Variants in RAB38 observed in about 807,000 individuals in gnomAD.
RAB38 encodes the protein ras-related protein Rab-38.
Under a neutral mutation model 18.4 loss-of-function variants are expected in RAB38, and 15 were observed. The ratio of observed to expected loss-of-function variants is 0.82; its 90% confidence interval spans 0.55 to 1.26. The LOEUF (loss-of-function observed/expected upper bound fraction) is 1.26, where lower values mean the gene tolerates loss of function less well. Ranked by LOEUF, RAB38 falls within the 50% of genes most tolerant of loss-of-function variation. The pLI is 0.00. For missense variants in RAB38, 294 were observed against 267.4 expected (o/e 1.10, Z -0.69); for synonymous variants, 101 against 104.4 (o/e 0.97, Z 0.20).
the RAB38 span, among the ~76,000 whole-genome samples, chr11:87,934,134 C>T: frequency 6.6e-6 from 1 of 152,046 alleles, no homozygotes; most frequent in Non-Finnish European, 1.5e-5. Flanking sequence ...GTATAATCAG[C>T]CTTTTTATAG....
At chr11:88,067,249 T>C in the RAB38 span, among the ~76,000 whole-genome samples, 1 of 152,116 alleles carries the variant, frequency 6.6e-6, no homozygotes, top group Non-Finnish European at 1.5e-5. Context: ...TTAAAGCTCA[T>C]TGAATGCCTT....
the RAB38 span, among the ~76,000 whole-genome samples, chr11:88,036,636 T>C: frequency 6.6e-6 from 1 of 152,250 alleles, no homozygotes; most frequent in East Asian, 1.9e-4. Context: ...ATTAAGTTTT[T>C]CTATATAAAT....
Position 88,138,940 on chromosome 11 carries a change from G to A in RAB38, c.483+10735C>T, listed in dbSNP as rs143171573. Among the ~76,000 whole-genome samples the A allele has an allele frequency of 6.1e-3, 933 of 151,860 alleles. 10 individuals carry two copies. The highest frequency in any genetic ancestry group is 0.021 in the African/African-American group (879 of 41,410). ...TGGGACTACAGGCGCCCGCCACCAC[G>A]CCTGGCTAATTTTTTTTGTATTTTT... On this transcript the variant is annotated intron_variant, in intron 2 of 2. Transcript: ENST00000243662.
chr11:87,913,423 A>G, the RAB38 span, among the ~76,000 whole-genome samples: 1 of 152,106 alleles, frequency 6.6e-6, no homozygotes, highest in Non-Finnish European at 1.5e-5. Flanking sequence ...TTGTAATGCC[A>G]TTTGATTAAG....
At chr11:87,829,308 T>A in the RAB38 span, among the ~76,000 whole-genome samples, 1 of 152,180 alleles carries the variant, frequency 6.6e-6, no homozygotes, top group Non-Finnish European at 1.5e-5. Context: ...GAAACAAACC[T>A]GCACATGTAC....
chr11:87,899,331 T>C, the RAB38 span, among the ~76,000 whole-genome samples: 1 of 151,644 alleles, frequency 6.6e-6, no homozygotes, highest in Non-Finnish European at 1.5e-5. Context: ...GCAACGGCAC[T>C]GTCTGGTACT....
the RAB38 span, among the ~76,000 whole-genome samples, chr11:88,103,539 T>C: frequency 6.6e-6 from 1 of 152,106 alleles, no homozygotes; most frequent in Non-Finnish European, 1.5e-5. Flanking sequence ...TGAGTTTCTA[T>C]TTATAGAACA....
the RAB38 span, among the ~76,000 whole-genome samples, chr11:88,005,833 C>T: frequency 3.3e-5 from 5 of 151,346 alleles, no homozygotes; most frequent in South Asian, 2.1e-4. Context: ...TCCAGTTTTC[C>T]CAGCATTGTT....
chr11:88,113,884 A>G lies in RAB38; in HGVS notation c.*104T>C. ...CAGAGGCATAGATCTTTGGCTTGCC[A>G]CATGTGGTATCTCTATCCTGACGTT... On this transcript the variant is annotated 3_prime_UTR_variant, in exon 3 of 3. Coordinates refer to ENST00000243662, the MANE Select transcript of RAB38 (RefSeq NM_022337.3). 1 of 1,371,410 alleles carries G rather than the reference A, an allele frequency of 7.3e-7. No individual in the cohort carries two copies. The highest frequency in any genetic ancestry group is 1.0e-6 in the Non-Finnish European group (1 of 984,934). The allele number at this position is 1,371,410 out of a possible 1,614,324, so 85.0% of individuals were successfully genotyped here. A position where few individuals can be genotyped will look rare whatever the true frequency, so the allele number is the denominator to read the frequency against.
At chr11:87,883,237 A>G in the RAB38 span, among the ~76,000 whole-genome samples, 2 of 151,906 alleles carry the variant, frequency 1.3e-5, no homozygotes, top group East Asian at 2.0e-4. Context: ...CAGCAAGCCA[A>G]CTGTTGCCTT....
chr11:88,076,821 T>C, the RAB38 span, among the ~76,000 whole-genome samples: 3 of 143,514 alleles, frequency 2.1e-5, no homozygotes, highest in Non-Finnish European at 4.5e-5. Context: ...TAGCCGGGAG[T>C]GGTTGTGCAA....
At chr11:88,167,051 T>C (rs897943979) in intron 1 of RAB38, 2 of 152,164 alleles carry the variant, frequency 1.3e-5, no homozygotes, top group Admixed American at 6.5e-5. Flanking sequence ...TCCAATGCAA[T>C]AGTAAACTAT....
chr11:87,917,529 G>GTT, the RAB38 span, among the ~76,000 whole-genome samples: 122 of 73,098 alleles, frequency 1.7e-3, 1 homozygote, highest in Non-Finnish European at 1.8e-3. Context: ...TCACTGAAGT[G>GTT]TTTTTTTTTT....
chr11:87,882,354 C>A, the RAB38 span, among the ~76,000 whole-genome samples: 2 of 151,724 alleles, frequency 1.3e-5, no homozygotes, highest in African/African-American at 4.8e-5. Flanking sequence ...TATCAGAAGC[C>A]CCTAAAGGGC....
the RAB38 span, among the ~76,000 whole-genome samples, chr11:88,028,352 A>C: frequency 3.3e-5 from 5 of 152,338 alleles, no homozygotes; most frequent in Admixed American, 6.5e-5. Flanking sequence ...GCAGTTCCTC[A>C]CCAGAAACGG....
chr11:87,873,922 G>GTATATATATATA, the RAB38 span, among the ~76,000 whole-genome samples: 4,088 of 102,782 alleles, frequency 0.04, 143 homozygotes, highest in Non-Finnish European at 0.047. Context: ...GTGTGTGTGT[G>GTATATATATATA]TATATATATA....
chr11:87,908,269 G>A, the RAB38 span, among the ~76,000 whole-genome samples: 2 of 151,902 alleles, frequency 1.3e-5, no homozygotes, highest in African/African-American at 4.8e-5. Flanking sequence ...CCTAGAGCTT[G>A]CTCTTGTAAG....
At chr11:87,937,351 T>TATATATATATATATATATATAA in the RAB38 span, among the ~76,000 whole-genome samples, 1 of 112,108 alleles carries the variant, frequency 8.9e-6, no homozygotes, top group Non-Finnish European at 2.0e-5. Flanking sequence ...TATATATATA[T>TATATATATATATATATATATAA]CATAATTCTA....
chr11:88,102,787 CATG>C, the RAB38 span, among the ~76,000 whole-genome samples: 1 of 152,042 alleles, frequency 6.6e-6, no homozygotes, highest in Non-Finnish European at 1.5e-5. Context: ...GTCAAATAGG[CATG>C]ATGATACAGG....
Sources: gnomAD v4.1 joint callset for allele counts (sites outside exome capture counted in the v4.1 genomes callset) on GRCh38, gnomAD v4.1.1 for gene constraint, MANE v1.5 for transcripts, NCBI Gene and HGNC (gene_info 2026-07-23, HGNC 2026-07-21) for gene names.